Variants in HPSE2 observed in about 807,000 individuals in gnomAD.
The protein encoded by HPSE2 is inactive heparanase-2.
In HPSE2, 38 loss-of-function variants were observed where a neutral mutation model predicts 60.5. The ratio of observed to expected loss-of-function variants is 0.63; its 90% confidence interval spans 0.48 to 0.82. The LOEUF (loss-of-function observed/expected upper bound fraction) is 0.82. Ranked by LOEUF, HPSE2 falls within the 40% of genes least tolerant of loss-of-function variation. HPSE2 has a pLI of 0.00. For synonymous variants in HPSE2, 295 were observed against 293.2 expected, an observed-to-expected ratio of 1.01 and a Z score of -0.06; for missense variants, 713 against 740.4, an observed-to-expected ratio of 0.96 and a Z score of 0.43.
intron 3 of HPSE2, among the ~76,000 whole-genome samples, chr10:98,836,505 C>G (rs1171552162): frequency 1.3e-5 from 2 of 151,212 alleles, no homozygotes; most frequent in Admixed American, 1.3e-4. Flanking sequence ...ATGAATCTAA[C>G]AAGCTTTAAA....
chr10:98,791,525 T>G (rs1950654461), intron 3 of HPSE2, among the ~76,000 whole-genome samples: 1 of 152,164 alleles, frequency 6.6e-6, no homozygotes, highest in South Asian at 2.1e-4. Context: ...ATTTTCCAAA[T>G]AAGGGTTTGT....
chr10:99,122,836 G>A (rs1406897326), intron 3 of HPSE2, among the ~76,000 whole-genome samples: 2 of 152,018 alleles, frequency 1.3e-5, no homozygotes, highest in Non-Finnish European at 2.9e-5. Context: ...TATGGGAATA[G>A]TCAAGTAAAT....
the HPSE2 span, among the ~76,000 whole-genome samples, chr10:99,262,096 G>A: frequency 6.6e-6 from 1 of 152,152 alleles, no homozygotes; most frequent in Non-Finnish European, 1.5e-5. Context: ...GAAGCCTACA[G>A]GACCATCACA....
intron 3 of HPSE2, among the ~76,000 whole-genome samples, chr10:98,998,340 C>T (rs1334859485): frequency 6.6e-6 from 1 of 152,078 alleles, no homozygotes; most frequent in Non-Finnish European, 1.5e-5. Flanking sequence ...GTGGTTTTTC[C>T]TGTGATAGTC....
chr10:98,951,389 G>A (rs986741662), intron 3 of HPSE2, among the ~76,000 whole-genome samples: 7 of 152,112 alleles, frequency 4.6e-5, no homozygotes, highest in African/African-American at 1.7e-4. Context: ...GTGATACGTG[G>A]AGCCTCTGCA....
At chr10:99,250,868 G>T in the HPSE2 span, among the ~76,000 whole-genome samples, 1 of 152,052 alleles carries the variant, frequency 6.6e-6, no homozygotes, top group African/African-American at 2.4e-5. Context: ...AATATTAAGA[G>T]AAAAGTTTAT....
In HPSE2 at chr10:99,235,506, G is replaced by C. The variant is rs72840396; in HGVS notation, c.290+7C>G. The C allele has an allele frequency of 5.0e-6, 8 of 1,613,852 alleles. No homozygotes were observed. Among genetic ancestry groups the C allele is most frequent in the Non-Finnish European group, 6.8e-6 (8 of 1,179,966 alleles). The stretch of plus-strand genomic sequence containing the variant: ...TTTTAAATGATCCATCGAAACCCCT[G>C]CCTTACCTTAGGAAATCGAGCCAGC... On this transcript the variant is annotated splice_region_variant and intron_variant, in intron 1 of 11. Transcript: ENST00000370552.
intron 9 of HPSE2, among the ~76,000 whole-genome samples, chr10:98,602,278 A>T (rs1031781329): frequency 3.3e-5 from 5 of 152,214 alleles, no homozygotes; most frequent in African/African-American, 1.2e-4. Flanking sequence ...TGGGATAGCA[A>T]GCCCTGTGAT....
intron 6 of HPSE2, among the ~76,000 whole-genome samples, chr10:98,652,913 T>G (rs1012910504): frequency 6.6e-6 from 1 of 152,210 alleles, no homozygotes; most frequent in Admixed American, 6.5e-5. Flanking sequence ...CAATCATTAG[T>G]CTTGTCACCT....
chr10:99,151,661 T>C (rs1846268499), intron 2 of HPSE2, among the ~76,000 whole-genome samples: 1 of 152,050 alleles, frequency 6.6e-6, no homozygotes, highest in Non-Finnish European at 1.5e-5. Context: ...ATGGCTGACT[T>C]CCTCCAATTT....
At chr10:99,272,327 C>A in the HPSE2 span, among the ~76,000 whole-genome samples, 2 of 151,010 alleles carry the variant, frequency 1.3e-5, no homozygotes, top group Non-Finnish European at 2.9e-5. Flanking sequence ...CATAAAAATT[C>A]TAGAAGGAAA....
intron 3 of HPSE2, among the ~76,000 whole-genome samples, chr10:99,094,540 A>ATATATATATATTT (rs1843646305): frequency 7.5e-5 from 2 of 26,610 alleles, no homozygotes; most frequent in African/African-American, 1.7e-4. Flanking sequence ...ATATATATAT[A>ATATATATATATTT]TTTTTTTTTT....
At chr10:98,485,374 T>C (rs1941402420) in intron 10 of HPSE2, among the ~76,000 whole-genome samples, 1 of 152,200 alleles carries the variant, frequency 6.6e-6, no homozygotes, top group African/African-American at 2.4e-5. Context: ...GGGTACATTA[T>C]TGTGTTCAAG....
chr10:98,875,986 G>A (rs1246036556), intron 3 of HPSE2, among the ~76,000 whole-genome samples: 1 of 151,842 alleles, frequency 6.6e-6, no homozygotes, highest in Non-Finnish European at 1.5e-5. Flanking sequence ...GCTAACTATT[G>A]ACTGATTTCT....
At chr10:99,029,411 C>CG (rs1428959581) in intron 3 of HPSE2, among the ~76,000 whole-genome samples, 2 of 152,160 alleles carry the variant, frequency 1.3e-5, no homozygotes, top group East Asian at 3.9e-4. Context: ...CAGCTGGGCC[C>CG]GGGGGACCAC....
At chr10:98,909,131 G>A (rs1953909724) in intron 3 of HPSE2, among the ~76,000 whole-genome samples, 1 of 152,148 alleles carries the variant, frequency 6.6e-6, no homozygotes, top group East Asian at 1.9e-4. Flanking sequence ...CCTGACGCTT[G>A]AAAGACAGTC....
chr10:98,645,900 G>T (rs1168173084), intron 6 of HPSE2, among the ~76,000 whole-genome samples: 2 of 152,152 alleles, frequency 1.3e-5, no homozygotes, highest in South Asian at 2.1e-4. Context: ...GCGTGAACCC[G>T]GGAGGCGGAG....
intron 3 of HPSE2, among the ~76,000 whole-genome samples, chr10:99,106,226 T>A (rs569063108): frequency 6.7e-6 from 1 of 148,584 alleles, no homozygotes. Flanking sequence ...AATATTGAGT[T>A]CTCCAATCCA....
intron 3 of HPSE2, among the ~76,000 whole-genome samples, chr10:99,138,640 G>C (rs1206805311): frequency 2.0e-5 from 3 of 152,160 alleles, no homozygotes; most frequent in Non-Finnish European, 4.4e-5. Context: ...ACTATCACAA[G>C]AACAGAAAAC....
Sources: gnomAD v4.1 joint callset for allele counts (sites outside exome capture counted in the v4.1 genomes callset) on GRCh38, gnomAD v4.1.1 for gene constraint, MANE v1.5 for transcripts, NCBI Gene and HGNC (gene_info 2026-07-23, HGNC 2026-07-21) for gene names.